The following KIAA0319L variants were observed in gnomAD, a reference collection of about 807,000 sequenced individuals.
The protein encoded by KIAA0319L is dyslexia-associated protein KIAA0319-like protein.
A neutral mutation model predicts 120.1 loss-of-function variants in KIAA0319L; 55 were observed. The observed-to-expected ratio is 0.46, with a 90% CI of 0.37 to 0.57. KIAA0319L has a LOEUF of 0.57. KIAA0319L is among the 20% of genes least tolerant of loss of function. KIAA0319L has a pLI of 0.00. For missense variants in KIAA0319L, 1,049 were observed against 1,255.3 expected, an observed-to-expected ratio of 0.84 and a Z score of 2.48; for synonymous variants, 398 against 471.9, an observed-to-expected ratio of 0.84 and a Z score of 2.03.
chr1:35,452,015 T>C (rs977097921), intron 12 of KIAA0319L, among the ~76,000 whole-genome samples: 3 of 152,238 alleles, frequency 2.0e-5, no homozygotes, highest in African/African-American at 7.2e-5. Context: ...TTATCCTTTA[T>C]ATGAGCTTCT....
At position 35,449,891 on chromosome 1, in the gene KIAA0319L, G is replaced by C; in HGVS notation, c.2329C>G (p.Arg777Gly). The change falls in exon 15 of 21, where the codon CGG becomes GGG. Residue 777 changes from arginine to glycine, a missense_variant. Arg to Gly is a moderately radical substitution (Grantham distance 125). Transcript: ENST00000325722. ...TDAKGESDTD[R>G]TTVEVKPDPR... is the part of the protein sequence containing the mutation. ...CCAGGTTTCACCTCCACAGTGGTCC[G>C]GTCTGTGTCACTCTCACCCTTTGCA... is the stretch of plus-strand genomic sequence containing the variant. The C allele has an allele frequency of 6.2e-7, 1 of 1,613,970 alleles. No homozygotes were observed. The highest frequency in any genetic ancestry group is 8.5e-7 in the Non-Finnish European group (1 of 1,179,916).
chr1:35,447,412 C>T (rs1052874556), intron 16 of KIAA0319L, among the ~76,000 whole-genome samples: 10 of 151,896 alleles, frequency 6.6e-5, no homozygotes, highest in African/African-American at 2.4e-4. Context: ...TGTCTTCTAC[C>T]ACATCCTGGG....
At chr1:35,480,385 G>A (rs1413311817) in intron 3 of KIAA0319L, among the ~76,000 whole-genome samples, 3 of 152,224 alleles carry the variant, frequency 2.0e-5, no homozygotes, top group African/African-American at 7.2e-5. Flanking sequence ...GTATGGGTTT[G>A]AAGAAGTAAG....
intron 16 of KIAA0319L, among the ~76,000 whole-genome samples, chr1:35,444,676 G>A (rs1472068723): frequency 2.0e-5 from 3 of 152,202 alleles, no homozygotes; most frequent in Non-Finnish European, 4.4e-5. Context: ...TGGAGGATGA[G>A]ACAAATGGGG....
intron 2 of KIAA0319L, among the ~76,000 whole-genome samples, chr1:35,550,263 A>G (rs1298693419): frequency 2.0e-5 from 3 of 152,266 alleles, no homozygotes; most frequent in Admixed American, 6.5e-5. Flanking sequence ...GGAGTGGAGG[A>G]TAACTGCAGA....
At chr1:35,474,724 G>A (rs768190060) in intron 5 of KIAA0319L, 81 bp downstream of exon 5, 10 of 794,758 alleles carry the variant, frequency 1.3e-5, no homozygotes, top group Admixed American at 2.1e-5. Flanking sequence ...CCAGGAGTTT[G>A]AGACCAGCCT....
intron 2 of KIAA0319L, among the ~76,000 whole-genome samples, chr1:35,515,775 T>C (rs1182399864): frequency 6.6e-6 from 1 of 152,012 alleles, no homozygotes; most frequent in Non-Finnish European, 1.5e-5. Flanking sequence ...AGTTGGTTTC[T>C]TGAAAAAATT....
intron 2 of KIAA0319L, among the ~76,000 whole-genome samples, chr1:35,543,505 C>A (rs537032257): frequency 6.6e-6 from 1 of 152,266 alleles, no homozygotes; most frequent in Non-Finnish European, 1.5e-5. Flanking sequence ...TAAAAAGTCT[C>A]CTGAAAATGC....
intron 19 of KIAA0319L, among the ~76,000 whole-genome samples, chr1:35,441,960 T>G (rs1474265602): frequency 6.6e-6 from 1 of 152,208 alleles, no homozygotes; most frequent in Non-Finnish European, 1.5e-5. Flanking sequence ...TCTGTACCCC[T>G]GGCCCTCACG....
chr1:35,444,006 T>A, intron 17 of KIAA0319L, 155 bp downstream of exon 17: 1 of 581,546 alleles, frequency 1.7e-6, no homozygotes, highest in Non-Finnish European at 2.7e-6. Flanking sequence ...TCCCCAGTGA[T>A]GAATCAGGAC....
chr1:35,464,729 GCTGGAGGC>G (rs1643133054), intron 7 of KIAA0319L, among the ~76,000 whole-genome samples: 1 of 152,174 alleles, frequency 6.6e-6, no homozygotes, highest in African/African-American at 2.4e-5. Context: ...CCTCACAGGG[GCTGGAGGC>G]CTGGAGGCCT....
At chr1:35,544,148 G>T (rs1646897131) in intron 2 of KIAA0319L, among the ~76,000 whole-genome samples, 1 of 152,072 alleles carries the variant, frequency 6.6e-6, no homozygotes, top group Admixed American at 6.6e-5. Context: ...CGGGCAGATT[G>T]CCTGCGCTCA....
chr1:35,443,493 G>A (rs922999330), intron 17 of KIAA0319L, among the ~76,000 whole-genome samples: 7 of 151,922 alleles, frequency 4.6e-5, no homozygotes, highest in Non-Finnish European at 8.8e-5. Context: ...ATAACATGAC[G>A]AAACCCCATC....
chr1:35,481,220 G>A (rs548276396), intron 3 of KIAA0319L, among the ~76,000 whole-genome samples: 43 of 152,024 alleles, frequency 2.8e-4, no homozygotes, highest in Admixed American at 1.0e-3. Flanking sequence ...GTTGTTTTCC[G>A]TTCTTAGTTA....
At chr1:35,446,786 C>T (rs554919736) in intron 16 of KIAA0319L, among the ~76,000 whole-genome samples, 1 of 152,170 alleles carries the variant, frequency 6.6e-6, no homozygotes. Context: ...TCCATCTTAG[C>T]TCTCTCCTAG....
At chr1:35,494,025 C>A (rs1180277925) in intron 3 of KIAA0319L, among the ~76,000 whole-genome samples, 1 of 152,106 alleles carries the variant, frequency 6.6e-6, no homozygotes, top group African/African-American at 2.4e-5. Context: ...CCAATACAAT[C>A]CCACTGAAAA....
chr1:35,471,111 T>C (rs1358544873), intron 5 of KIAA0319L, 151 bp from the exon 6 acceptor site: 1 of 615,098 alleles, frequency 1.6e-6, no homozygotes, highest in Non-Finnish European at 2.9e-6. Context: ...AACCAAACCA[T>C]CTGCTGAAAG....
At chr1:35,518,191 A>G (rs1023495502) in intron 2 of KIAA0319L, among the ~76,000 whole-genome samples, 2 of 152,236 alleles carry the variant, frequency 1.3e-5, no homozygotes, top group African/African-American at 4.8e-5. Context: ...CAGAACTACC[A>G]TCACTTCAAC....
intron 2 of KIAA0319L, among the ~76,000 whole-genome samples, chr1:35,551,669 A>G (rs1389591176): frequency 6.6e-6 from 1 of 152,036 alleles, no homozygotes; most frequent in African/African-American, 2.4e-5. Flanking sequence ...AATGGGAAGG[A>G]GCTCCAATTA....
Sources: gnomAD v4.1 joint callset for allele counts (sites outside exome capture counted in the v4.1 genomes callset) on GRCh38, gnomAD v4.1.1 for gene constraint, MANE v1.5 for transcripts, NCBI Gene and HGNC (gene_info 2026-07-23, HGNC 2026-07-21) for gene names.